TNNC2: variants seen among roughly 807,000 people sequenced by gnomAD.
TNNC2 encodes the protein troponin C2, fast skeletal type, also known as troponin C, skeletal muscle.
Under a neutral mutation model 20.0 loss-of-function variants are expected in TNNC2, and 14 were observed. That is an observed-to-expected ratio of 0.70 (90% CI 0.46 to 1.09). The LOEUF is 1.09. Among genes scored for constraint, TNNC2 ranks in the 50% least tolerant of loss-of-function variants. The pLI, the probability that TNNC2 is intolerant of heterozygous loss-of-function variation, is 0.00. For missense variants in TNNC2, 163 were observed against 223.8 expected, an observed-to-expected ratio of 0.73 and a Z score of 1.73; for synonymous variants, 81 against 77.3, an observed-to-expected ratio of 1.05 and a Z score of -0.25.
upstream of TNNC2, among the ~76,000 whole-genome samples, chr20:45,827,572 G>A (rs558959999): frequency 5.9e-5 from 9 of 152,294 alleles, no homozygotes; most frequent in South Asian, 4.1e-4. Flanking sequence ...CCCCCCGACC[G>A]AGGAAGCACA....
chr20:45,832,367 C>T (rs1197337169), intron 2 of TNNC2, among the ~76,000 whole-genome samples: 1 of 152,040 alleles, frequency 6.6e-6, no homozygotes, highest in African/African-American at 2.4e-5. Context: ...GCTTAAAATC[C>T]CAGCCCCTCT....
In TNNC2 at chr20:45,824,851, G is replaced by T. The variant is rs781081105; in HGVS notation, c.4-17C>A. On this transcript the variant is annotated splice_polypyrimidine_tract_variant and intron_variant, in intron 1 of 5. Transcript: ENST00000372555. ...CTGGTCCGTCTGCAGGAGACACAGA[G>T]AAAGTCTGAGCTGAAGAGGCAGCCC... 6.2e-7 allele frequency: 1 copy of T among 1,614,026 alleles called. No homozygotes were observed. The highest frequency in any genetic ancestry group is 2.2e-5 in the East Asian group (1 of 44,894).
rs773308713 is a variant in TNNC2, at chr20:45,824,287, C to A, written c.314+5G>T. The A allele has an allele frequency of 1.5e-5, 24 of 1,609,582 alleles. No individual in the cohort carries two copies. In the East Asian group the frequency reaches 3.6e-4, roughly 24 times the overall value. ...CCTCCCTCGGCTCCCGGGCCCCCAG[C>A]GCACCTGTCGAAGATGCGGAAGCAC... On this transcript the variant is annotated splice_donor_5th_base_variant and intron_variant, in intron 4 of 5. Coordinates refer to ENST00000372555, the MANE Select transcript of TNNC2 (RefSeq NM_003279.3).
chr20:45,824,193 C>A (rs1982891375), intron 4 of TNNC2, 66 bp from the exon 5 acceptor site: 3 of 1,599,296 alleles, frequency 1.9e-6, no homozygotes, highest in Non-Finnish European at 2.6e-6. Context: ...CCACACTCGA[C>A]GCCCCGCTTC....
upstream of TNNC2, among the ~76,000 whole-genome samples, chr20:45,827,593 G>A (rs1216202349): frequency 2.0e-4 from 31 of 152,206 alleles, no homozygotes; most frequent in Admixed American, 2.0e-3. Context: ...CTGGCTCCAA[G>A]ATGGTAAGGA....
upstream of TNNC2, among the ~76,000 whole-genome samples, chr20:45,828,685 A>G (rs1400119260): frequency 2.6e-5 from 4 of 152,160 alleles, no homozygotes; most frequent in Admixed American, 6.5e-5. Flanking sequence ...GAGAATCCAC[A>G]AGGTGCAGGC....
rs200210976 is a variant in TNNC2, at chr20:45,824,480, G to T, written c.199+15C>A. The T allele has an allele frequency of 3.5e-5, 56 of 1,613,110 alleles. No homozygotes were observed. Among genetic ancestry groups the T allele is most frequent in the Non-Finnish European group, 4.7e-5 (56 of 1,179,962 alleles). On this transcript the variant is annotated intron_variant, in intron 3 of 5. Transcript: ENST00000372555. ...TCTCCCCACCATCCCCTGCCTCCGA[G>T]GGACACCCGCTCACCGTCCTCATCC...
Position 45,824,040 on chromosome 20 carries a change from AGATTC to A in TNNC2, c.397_401del (p.Glu133SerfsTer14). ...TGTTCTTGTCGCCGTCTTTCATCAG[AGATTC>A]GATCTCCTCGTCCGTCACGTGCTCC... is the stretch of plus-strand genomic sequence containing the variant. On this transcript the variant is annotated frameshift_variant, in exon 5 of 6. Coordinates refer to ENST00000372555, the MANE Select transcript of TNNC2 (RefSeq NM_003279.3). LOFTEE classifies it high-confidence loss of function. The A allele has an allele frequency of 6.2e-7, 1 of 1,613,994 alleles. No homozygotes were observed. The highest frequency in any genetic ancestry group is 8.5e-7 in the Non-Finnish European group (1 of 1,179,964).
chr20:45,824,103 C>T lies in TNNC2; in HGVS notation c.339G>A (p.Pro113=). Reference sequence around the variant, plus strand: ...CCCTGAAAATCTCAGCCAGCTCCTCCGGGTCGATGTAGCCGTCTGCATTCC... The same window carrying T: ...CCCTGAAAATCTCAGCCAGCTCCTCTGGGTCGATGTAGCCGTCTGCATTCC... ...FDRNADGYID[P]EELAEIFRAS... The change falls in exon 5 of 6, where the codon CCG becomes CCA. Residue 113 remains proline (P), a synonymous_variant. Transcript: ENST00000372555. The T allele has an allele frequency of 1.1e-5, 18 of 1,614,054 alleles. No individual in the cohort carries two copies. The highest frequency in any genetic ancestry group is 1.4e-5 in the Non-Finnish European group (16 of 1,180,006).
Position 45,823,882 on chromosome 20 carries a change from CGCCCA to C in TNNC2, c.451+104_451+108del. ...GACTATGGGGAACTTGGTGAAGTTA[CGCCCA>C]GCCCAGCCCACAAGGCCAAGGACAC... On this transcript the variant is annotated intron_variant, in intron 5 of 5. Coordinates refer to ENST00000372555, the MANE Select transcript of TNNC2 (RefSeq NM_003279.3). The surrounding 1 kb of genome is among the most constrained non-coding windows in gnomAD (Gnocchi z 4.6). The C allele has an allele frequency of 1.9e-6, 3 of 1,541,768 alleles. No homozygotes were observed. The highest frequency in any genetic ancestry group is 2.6e-6 in the Non-Finnish European group (3 of 1,140,730).
In TNNC2 at chr20:45,823,429, G is replaced by T. The variant is rs1037338888; in HGVS notation, c.452-50C>A. 7 of 1,547,014 alleles carry T rather than the reference G, an allele frequency of 4.5e-6. No homozygotes were observed. Among genetic ancestry groups the T allele is most frequent in the Non-Finnish European group, 6.1e-6 (7 of 1,138,472 alleles). ...TCAGGGGTCCCACTGGGGACGCAGA[G>T]GCCAGGCCAGGGCTCCAGCCACACA... On this transcript the variant is annotated intron_variant, in intron 5 of 5. Transcript: ENST00000372555. The surrounding 1 kb of genome is among the most constrained non-coding windows in gnomAD (Gnocchi z 4.6).
chr20:45,826,537 A>G (rs380973), intron 1 of TNNC2, among the ~76,000 whole-genome samples: 98,016 of 152,144 alleles, frequency 0.64, 31,724 homozygotes, highest in African/African-American at 0.69. Context: ...CTCTTCAGCC[A>G]GCTGGCCACC....
upstream of TNNC2, chr20:45,827,387 G>C: frequency 9.0e-7 from 1 of 1,110,512 alleles, no homozygotes; most frequent in African/African-American, 1.5e-5. Flanking sequence ...CAGCACTGGA[G>C]ACCCTGCCCA....
At chr20:45,827,112 A>C in intron 1 of TNNC2, 134 bp downstream of exon 1, 1 of 1,132,740 alleles carries the variant, frequency 8.8e-7, no homozygotes, top group Non-Finnish European at 1.3e-6. Flanking sequence ...CCTCCAAGAC[A>C]CCTGGGTTCC....
intron 2 of TNNC2, 54 bp from the exon 3 acceptor site, chr20:45,824,692 A>G (rs1601055004): frequency 6.3e-7 from 1 of 1,576,398 alleles, no homozygotes; most frequent in South Asian, 1.1e-5. Context: ...TCAGCCTCAC[A>G]CCTACCCCCC....
At chr20:45,829,849 C>T (rs572521848), upstream of TNNC2, among the ~76,000 whole-genome samples, 3 of 151,462 alleles carry the variant, frequency 2.0e-5, no homozygotes, top group African/African-American at 4.8e-5. Flanking sequence ...TCAAGTGATC[C>T]GCCTGCCTCA....
chr20:45,830,335 C>CAAAAAAAA (rs781603612), upstream of TNNC2, among the ~76,000 whole-genome samples: 2 of 54,188 alleles, frequency 3.7e-5, no homozygotes, highest in Non-Finnish European at 8.2e-5. Context: ...GACTGCATCT[C>CAAAAAAAA]AAAAAAAAAA....
At chr20:45,828,090 C>T (rs973312733), upstream of TNNC2, among the ~76,000 whole-genome samples, 1 of 152,148 alleles carries the variant, frequency 6.6e-6, no homozygotes, top group Admixed American at 6.5e-5. Context: ...GGCTGATGTG[C>T]AGTGGTGCTA....
chr20:45,827,305 C>T lies in TNNC2; in HGVS notation c.-57G>A. The T allele has an allele frequency of 5.0e-6, 8 of 1,613,272 alleles. No individual in the cohort carries two copies. Among genetic ancestry groups the T allele is most frequent in the Non-Finnish European group, 6.8e-6 (8 of 1,179,416 alleles). ...GGTCGCCTCCTTTGCACTCCACCAC[C>T]CAAAGATGACCTGGCCTGCTCTAGC... On this transcript the variant is annotated 5_prime_UTR_variant, in exon 1 of 6. Coordinates refer to ENST00000372555, the MANE Select transcript of TNNC2 (RefSeq NM_003279.3).
Sources: gnomAD v4.1 joint callset for allele counts (sites outside exome capture counted in the v4.1 genomes callset) on GRCh38, gnomAD v4.1.1 for gene constraint, Gnocchi (gnomAD v3.1) non-coding constraint, MANE v1.5 for transcripts, NCBI Gene and HGNC (gene_info 2026-07-23, HGNC 2026-07-21) for gene names.